Variants in CLXN observed in about 807,000 individuals in gnomAD.
CLXN encodes EF-hand calcium binding domain 1.
the CLXN span, chr8:48,729,065 C>T: frequency 6.2e-7 from 1 of 1,612,358 alleles, no homozygotes; most frequent in Non-Finnish European, 8.5e-7. Context: ...AGACATGGCC[C>T]AAAGGCCTCC....
the CLXN span, chr8:48,735,220 AC>A: frequency 1.3e-6 from 2 of 1,565,722 alleles, no homozygotes; most frequent in East Asian, 2.2e-5. Flanking sequence ...CCCTCGCGGG[AC>A]CCCCGCGAGC....
At chr8:48,727,391 C>T in the CLXN span, among the ~76,000 whole-genome samples, 2 of 152,120 alleles carry the variant, frequency 1.3e-5, no homozygotes, top group Non-Finnish European at 2.9e-5. Flanking sequence ...ATAAAAAGAG[C>T]TGCTAAGTAA....
the CLXN span, among the ~76,000 whole-genome samples, chr8:48,728,670 C>T: frequency 1.3e-5 from 2 of 152,160 alleles, no homozygotes; most frequent in East Asian, 3.8e-4. Flanking sequence ...TACAACGTTG[C>T]CTGGCATTGA....
At chr8:48,728,971 A>G in the CLXN span, 38 of 1,132,512 alleles carry the variant, frequency 3.4e-5, no homozygotes, top group South Asian at 5.7e-4. Flanking sequence ...TCCACTACCC[A>G]TTAAATCAAG....
chr8:48,714,225 C>A, the CLXN span, among the ~76,000 whole-genome samples: 1 of 152,144 alleles, frequency 6.6e-6, no homozygotes, highest in Non-Finnish European at 1.5e-5. Flanking sequence ...TTTAAGCTAC[C>A]CCAAGGGTAC....
At chr8:48,730,541 T>C in the CLXN span, 1 of 1,602,266 alleles carries the variant, frequency 6.2e-7, no homozygotes, top group Non-Finnish European at 8.5e-7. Flanking sequence ...CAATCTTACA[T>C]TTCATTTTTT....
chr8:48,716,913 A>C, the CLXN span, among the ~76,000 whole-genome samples: 2 of 152,236 alleles, frequency 1.3e-5, no homozygotes, highest in South Asian at 2.1e-4. Context: ...AATGGCTGAA[A>C]ACTTCCCAAA....
At chr8:48,715,498 CA>C in the CLXN span, 1 of 152,240 alleles carries the variant, frequency 6.6e-6, no homozygotes, top group Non-Finnish European at 1.5e-5. Context: ...AGCTTGGCAA[CA>C]AAGGGGATCG....
chr8:48,735,295 G>T, the CLXN span: 2 of 915,432 alleles, frequency 2.2e-6, no homozygotes, highest in Non-Finnish European at 3.3e-6. Context: ...CTAACAGACG[G>T]TGTAGCCAAG....
chr8:48,721,412 T>G, the CLXN span, among the ~76,000 whole-genome samples: 1 of 152,258 alleles, frequency 6.6e-6, no homozygotes, highest in Non-Finnish European at 1.5e-5. Flanking sequence ...AATACAATCC[T>G]TATCAAAATC....
chr8:48,730,764 T>C, the CLXN span: 2 of 504,100 alleles, frequency 4.0e-6, no homozygotes, highest in African/African-American at 2.0e-5. Context: ...AAGTCCAATA[T>C]TCTCATTTGA....
chr8:48,733,122 C>G, the CLXN span, among the ~76,000 whole-genome samples: 29 of 152,234 alleles, frequency 1.9e-4, no homozygotes, highest in African/African-American at 6.7e-4. Flanking sequence ...ACCACATACA[C>G]ACACACACAC....
chr8:48,725,657 A>T, the CLXN span, among the ~76,000 whole-genome samples: 1 of 151,978 alleles, frequency 6.6e-6, no homozygotes, highest in Non-Finnish European at 1.5e-5. Flanking sequence ...ATATAAAATT[A>T]TCCGGGCGTG....
the CLXN span, among the ~76,000 whole-genome samples, chr8:48,719,465 A>G: frequency 6.6e-6 from 1 of 152,288 alleles, no homozygotes; most frequent in South Asian, 2.1e-4. Flanking sequence ...TCAGCACAAG[A>G]AAAGAAAACT....
At chr8:48,712,076 A>G in the CLXN span, 1 of 152,218 alleles carries the variant, frequency 6.6e-6, no homozygotes, top group Admixed American at 6.5e-5. Flanking sequence ...GAAGGAAGAC[A>G]TGACTAAATG....
chr8:48,727,720 A>G, the CLXN span, among the ~76,000 whole-genome samples: 1 of 152,136 alleles, frequency 6.6e-6, no homozygotes, highest in African/African-American at 2.4e-5. Flanking sequence ...GCCTGGCAGC[A>G]TTTGCATTTT....
the CLXN span, among the ~76,000 whole-genome samples, chr8:48,718,945 T>C: frequency 6.7e-6 from 1 of 149,218 alleles, no homozygotes; most frequent in Non-Finnish European, 1.5e-5. Flanking sequence ...AAAGAAATAA[T>C]AAAGATAAAA....
At chr8:48,721,086 ACT>A in the CLXN span, among the ~76,000 whole-genome samples, 9 of 152,270 alleles carry the variant, frequency 5.9e-5, no homozygotes, top group Admixed American at 1.3e-4. Flanking sequence ...ACAACAACAC[ACT>A]GTTAGAACAA....
chr8:48,717,540 C>T, the CLXN span, among the ~76,000 whole-genome samples: 1 of 152,268 alleles, frequency 6.6e-6, no homozygotes, highest in South Asian at 2.1e-4. Context: ...GTAGAGAGTT[C>T]TTCAATTTGA....
Sources: allele counts gnomAD v4.1 joint callset (sites outside exome capture counted in the v4.1 genomes callset), GRCh38; gene constraint gnomAD v4.1.1; transcripts MANE v1.5; gene names NCBI Gene and HGNC (gene_info 2026-07-23, HGNC 2026-07-21).